The following CRYBG3 variants were observed in gnomAD, a reference collection of about 807,000 sequenced individuals.
CRYBG3 encodes very large A-kinase anchor protein.
In CRYBG3, 127 loss-of-function variants were observed where a neutral mutation model predicts 244.2. That is an observed-to-expected ratio of 0.52 (90% CI 0.45 to 0.60). CRYBG3 has a LOEUF of 0.60. CRYBG3 is among the 20% of genes least tolerant of loss of function. The probability of loss-of-function intolerance (pLI) is 0.00; values close to 1 mark genes in which losing one functional copy is unlikely to be tolerated. For synonymous variants in CRYBG3, 1,132 were observed against 1,195.8 expected, an observed-to-expected ratio of 0.95 and a Z score of 1.10; for missense variants, 3,325 against 3,442.5, an observed-to-expected ratio of 0.97 and a Z score of 0.85.
intron 19 of CRYBG3, 37 bp from the exon 20 acceptor site, chr3:97,941,111 A>AAAG: frequency 6.4e-7 from 1 of 1,559,112 alleles, no homozygotes; most frequent in South Asian, 1.2e-5. Context: ...TCCAGATTCA[A>AAAG]AAGTTTATTT....
intron 17 of CRYBG3, among the ~76,000 whole-genome samples, chr3:97,931,829 C>T (rs887689647): frequency 6.6e-5 from 10 of 152,002 alleles, no homozygotes; most frequent in African/African-American, 2.2e-4. Context: ...TTCCCCCTAA[C>T]CCCTGTTTTA....
At position 97,874,676 on chromosome 3, in the gene CRYBG3, C is replaced by T. The variant is rs1221179300; in HGVS notation, c.3482C>T (p.Ala1161Val). 2 of 1,535,818 alleles carry T rather than the reference C, an allele frequency of 1.3e-6. No individual in the cohort carries two copies. The highest frequency in any genetic ancestry group is 3.9e-5 in the Admixed American group (2 of 50,978). Residue 1161 changes from alanine (A) to valine (V), a missense_variant, in exon 4 of 22, where the codon GCA (alanine) becomes GTA (valine). Around this residue, in one of 4 missense-constraint regions of CRYBG3, gnomAD observed 1,526 missense variants for 1,443.2 expected, o/e 1.06. Transcript: ENST00000389622. ...EAETGAVAGP[A>V]ASVNSSGQQC... ...GAGACTGGAGCAGTTGCTGGGCCTG[C>T]AGCGTCAGTTAACAGCTCAGGCCAA...
chr3:97,869,784 A>AT (rs1377335479), intron 3 of CRYBG3, among the ~76,000 whole-genome samples: 3 of 152,216 alleles, frequency 2.0e-5, no homozygotes, highest in African/African-American at 7.2e-5. Context: ...AACTAACATA[A>AT]TTTTTTACAA....
In CRYBG3 at chr3:97,877,558, T is replaced by G. The variant is rs1413721452; in HGVS notation, c.6364T>G (p.Ser2122Ala). 3 of 1,613,992 alleles carry G rather than the reference T, an allele frequency of 1.9e-6. No individual in the cohort carries two copies. In the South Asian group the frequency reaches 3.3e-5, roughly 18 times the overall value. The change falls in exon 4 of 22, where the codon TCT (serine) becomes GCT (alanine). Residue 2122 changes from serine to alanine, a missense_variant. Ser to Ala is a moderately conservative substitution (Grantham distance 99). This residue lies in a region of CRYBG3 where 450 missense variants were observed against 424.1 expected (regional missense o/e 1.06). Transcript: ENST00000389622. Reference sequence around the variant, plus strand: ...AAGAGACAGTGAAAACCAGTCCTCTTCTGTTTTATCCCTTCTCCAGTCAGT... The same window carrying G: ...AAGAGACAGTGAAAACCAGTCCTCTGCTGTTTTATCCCTTCTCCAGTCAGT... ...KSRDSENQSSSVLSLLQSVSE... is the reference protein window; with the variant it reads ...KSRDSENQSSAVLSLLQSVSE...
rs978790689 is a variant in CRYBG3, at chr3:97,873,366, A to C, written c.2172A>C (p.Glu724Asp). ...GTCCTCCTCCTTCCTTTTGCCTTGA[A>C]TATACATCTGCAATTTTTGAATTCA... ...RKSPPPSFCL[E>D]YTSAIFEFKE... The change falls in exon 4 of 22, where the codon GAA (glutamate) becomes GAC (aspartate). Residue 724 changes from glutamate (E) to aspartate (D), a missense_variant. By Grantham distance (45) the Glu-to-Asp change is conservative. Coordinates refer to ENST00000389622, the MANE Select transcript of CRYBG3 (RefSeq NM_153605.4). 4 of 1,535,802 alleles carry C rather than the reference A, an allele frequency of 2.6e-6. No homozygotes were observed. The highest frequency in any genetic ancestry group is 3.5e-6 in the Non-Finnish European group (4 of 1,146,802).
chr3:97,941,131 T>A lies in CRYBG3; in HGVS notation c.8506-17T>A, dbSNP rs748497749. ...ATTCAAAAGTTTATTTCTAAATGGCTGTTTCTCCTGTCATAGCCTGCAGTG... is the reference window on the plus strand; with the variant it reads ...ATTCAAAAGTTTATTTCTAAATGGCAGTTTCTCCTGTCATAGCCTGCAGTG... On this transcript the variant is annotated splice_polypyrimidine_tract_variant and intron_variant, in intron 19 of 21. Coordinates refer to ENST00000389622, the MANE Select transcript of CRYBG3 (RefSeq NM_153605.4). 6 of 1,581,448 alleles carry A rather than the reference T, an allele frequency of 3.8e-6. 1 individual carries two copies. In the South Asian group the frequency reaches 5.8e-5, roughly 15 times the overall value.
intron 2 of CRYBG3, among the ~76,000 whole-genome samples, chr3:97,854,270 T>C (rs191906572): frequency 1.3e-5 from 2 of 152,250 alleles, no homozygotes; most frequent in East Asian, 3.9e-4. Context: ...CCAGATTTGT[T>C]TTTTTGTTGT....
intron 15 of CRYBG3, among the ~76,000 whole-genome samples, chr3:97,910,505 G>A (rs923216949): frequency 1.5e-4 from 23 of 152,206 alleles, no homozygotes; most frequent in African/African-American, 5.1e-4. Context: ...GGAGTGAACC[G>A]ATTTTCCAGG....
intron 12 of CRYBG3, among the ~76,000 whole-genome samples, chr3:97,898,477 A>C (rs1273800061): frequency 6.6e-6 from 1 of 152,032 alleles, no homozygotes; most frequent in Non-Finnish European, 1.5e-5. Context: ...AATTATATCT[A>C]TTTTTCCTAT....
At chr3:97,867,544 C>G (rs1373288409) in intron 3 of CRYBG3, among the ~76,000 whole-genome samples, 1 of 152,148 alleles carries the variant, frequency 6.6e-6, no homozygotes, top group Non-Finnish European at 1.5e-5. Context: ...GCTTAATAAA[C>G]CTTCACATAA....
rs548602043 is a variant in CRYBG3 at position 97,898,905 on chromosome 3, C to T, written c.7724C>T (p.Thr2575Ile). 1.3e-6 allele frequency: 2 copies of T among 1,595,948 alleles called. No individual in the cohort carries two copies. Among genetic ancestry groups the T allele is most frequent in the Admixed American group, 3.5e-5 (2 of 56,846 alleles). ...LQANFIESSV[T>I]LFESDLESGK... ...TAGAATTTTATAGAATCTTCTGTCA[C>T]ACTATTTGAATCTGACCTAGAAAGT... The change falls in exon 13 of 22, where the codon ACA becomes ATA. Residue 2575 changes from threonine (T) to isoleucine (I), a missense_variant. This residue lies in a region of CRYBG3 where 714 missense variants were observed against 803.6 expected (regional missense o/e 0.89). Coordinates refer to ENST00000389622, the MANE Select transcript of CRYBG3 (RefSeq NM_153605.4).
At position 97,943,388 on chromosome 3, in the gene CRYBG3, TG is replaced by T; in HGVS notation, c.*76del. 1.2e-6 allele frequency: 1 copy of T among 868,138 alleles called. No homozygotes were observed. Among genetic ancestry groups the T allele is most frequent in the Non-Finnish European group, 1.9e-6 (1 of 532,910 alleles). The allele number at this position is 868,138 out of a possible 1,614,324, so 53.8% of individuals were successfully genotyped here. ...CACATCTGTCATTGTCTTGTGGACGTGGAAAGGAAGCTACTGTCCTCACACT... is the reference window on the plus strand; with the variant it reads ...CACATCTGTCATTGTCTTGTGGACGTGAAAGGAAGCTACTGTCCTCACACT... On this transcript the variant is annotated 3_prime_UTR_variant, in exon 22 of 22. Transcript: ENST00000389622.
At chr3:97,825,885 A>G (rs1046314522) in intron 1 of CRYBG3, among the ~76,000 whole-genome samples, 18 of 152,242 alleles carry the variant, frequency 1.2e-4, no homozygotes, top group Admixed American at 1.3e-4. Flanking sequence ...TTAAACTACC[A>G]GTGTTGACAA....
At chr3:97,894,244 T>C (rs968363211) in intron 11 of CRYBG3, among the ~76,000 whole-genome samples, 1 of 152,220 alleles carries the variant, frequency 6.6e-6, no homozygotes, top group Non-Finnish European at 1.5e-5. Context: ...AATTATCTGC[T>C]AAAATTCTGT....
chr3:97,937,719 T>C (rs185395155), intron 19 of CRYBG3, among the ~76,000 whole-genome samples: 65 of 152,206 alleles, frequency 4.3e-4, no homozygotes, highest in Middle Eastern at 3.4e-3. Context: ...CATGTTTTGC[T>C]CATTGCTCTA....
At chr3:97,930,830 G>A (rs2040089547) in intron 17 of CRYBG3, among the ~76,000 whole-genome samples, 1 of 152,008 alleles carries the variant, frequency 6.6e-6, no homozygotes, top group Admixed American at 6.6e-5. Context: ...AGACAGTGTT[G>A]GCCACATAAC....
intron 17 of CRYBG3, among the ~76,000 whole-genome samples, chr3:97,925,572 A>G (rs192695418): frequency 1.1e-4 from 17 of 152,210 alleles, no homozygotes; most frequent in Non-Finnish European, 1.5e-5. Flanking sequence ...CAAGGAAAGC[A>G]GGCTACTAAA....
At chr3:97,825,136 A>G (rs1449933176) in intron 1 of CRYBG3, among the ~76,000 whole-genome samples, 1 of 152,200 alleles carries the variant, frequency 6.6e-6, no homozygotes, top group African/African-American at 2.4e-5. Context: ...GAGTGAAAGG[A>G]GCAGTAAGAA....
chr3:97,873,392 A>G lies in CRYBG3; in HGVS notation c.2198A>G (p.Lys733Arg). 13 of 1,535,832 alleles carry G rather than the reference A, an allele frequency of 8.5e-6. No individual in the cohort carries two copies. Among genetic ancestry groups the G allele is most frequent in the Non-Finnish European group, 1.1e-5 (13 of 1,146,778 alleles). Reference protein sequence around the residue: ...LEYTSAIFEFKEVLSNSEKCQ... With the variant: ...LEYTSAIFEFREVLSNSEKCQ... ...TATACATCTGCAATTTTTGAATTCA[A>G]AGAAGTTCTTTCTAATAGTGAAAAA... is the stretch of plus-strand genomic sequence containing the variant. The change falls in exon 4 of 22, where the codon AAA becomes AGA. Residue 733 changes from lysine to arginine, a missense_variant. Around this residue, in one of 4 missense-constraint regions of CRYBG3, gnomAD observed 1,526 missense variants for 1,443.2 expected, o/e 1.06. Transcript: ENST00000389622.
Sources: gnomAD v4.1 joint callset for allele counts (sites outside exome capture counted in the v4.1 genomes callset) on GRCh38, gnomAD v4.1.1 for gene constraint, gnomAD v4.1.1 regional missense constraint, MANE v1.5 for transcripts, NCBI Gene and HGNC (gene_info 2026-07-23, HGNC 2026-07-21) for gene names.